RXRA: variants seen among roughly 807,000 people sequenced by gnomAD.
RXRA encodes retinoid X receptor alpha.
RXRA carries 5 observed loss-of-function variants against 44.5 expected under a neutral mutation model. The observed-to-expected ratio is 0.11, with a 90% CI of 0.06 to 0.24. The LOEUF (loss-of-function observed/expected upper bound fraction) is 0.24, where lower values mean the gene tolerates loss of function less well. Ranked by LOEUF, RXRA falls within the 10% of genes least tolerant of loss-of-function variation. The pLI is 1.00. For missense variants in RXRA, 412 were observed against 646.5 expected (o/e 0.64, Z 3.93); for synonymous variants, 291 against 271.4 (o/e 1.07, Z -0.71).
chr9:134,369,007 T>G (rs1830453426), intron 1 of RXRA, among the ~76,000 whole-genome samples: 1 of 76,098 alleles, frequency 1.3e-5, no homozygotes, highest in African/African-American at 6.8e-5. Flanking sequence ...CTTGTGTGTG[T>G]GTGTGTGGGG....
At chr9:134,409,320 C>T (rs1831109918) in intron 4 of RXRA, among the ~76,000 whole-genome samples, 3 of 152,182 alleles carry the variant, frequency 2.0e-5, no homozygotes, top group Admixed American at 1.3e-4. Context: ...GGGTCCTGGG[C>T]GGCATGTTCT....
In RXRA at chr9:134,401,932, T is replaced by C. The variant is rs766668362; in HGVS notation, c.279+50T>C. The C allele has an allele frequency of 2.8e-5, 40 of 1,428,688 alleles. No homozygotes were observed. The African/African-American group carries it at 4.8e-4, about 17-fold the overall frequency. 88.5% of individuals were successfully genotyped at this position (1,428,688 alleles called of 1,614,324 possible). ...GAGGGGGTGGGGCCTGGGGTGGGGCTGTGGCTTCAACTGCAGGACGACCGC... is the reference window on the plus strand; with the variant it reads ...GAGGGGGTGGGGCCTGGGGTGGGGCCGTGGCTTCAACTGCAGGACGACCGC... On this transcript the variant is annotated intron_variant, in intron 2 of 9. Transcript: ENST00000481739.
intron 1 of RXRA, among the ~76,000 whole-genome samples, chr9:134,395,042 C>T (rs1400703448): frequency 1.3e-5 from 2 of 152,224 alleles, no homozygotes; most frequent in Non-Finnish European, 2.9e-5. Flanking sequence ...GAGGCAGAGG[C>T]CGGACAGGAG....
At chr9:134,330,234 G>C (rs1013072837) in intron 1 of RXRA, among the ~76,000 whole-genome samples, 2 of 152,232 alleles carry the variant, frequency 1.3e-5, no homozygotes, top group Non-Finnish European at 2.9e-5. Context: ...CCTGGGACCC[G>C]GGCTTTGCAA....
At position 134,410,850 on chromosome 9, in the gene RXRA, G is replaced by A. The variant is rs34977513; in HGVS notation, c.610+1731G>A. ...TGCGAGCTTGGGGGCAGATGAGAGC[G>A]CTGTGCATGGCTGATGCCTGGCCTG... On this transcript the variant is annotated intron_variant, in intron 4 of 9. Transcript: ENST00000481739. Among the ~76,000 whole-genome samples the A allele has an allele frequency of 2.0e-3, 310 of 152,344 alleles. 2 individuals are homozygous for A. The highest frequency in any genetic ancestry group is 7.1e-3 in the African/African-American group (295 of 41,576).
At chr9:134,333,883 C>G (rs3818738) in intron 1 of RXRA, among the ~76,000 whole-genome samples, 1 of 152,012 alleles carries the variant, frequency 6.6e-6, no homozygotes, top group Non-Finnish European at 1.5e-5. Context: ...CCGGGACTCC[C>G]GCTGCCTGCT....
At chr9:134,369,618 C>T (rs990670085) in intron 1 of RXRA, among the ~76,000 whole-genome samples, 1 of 151,938 alleles carries the variant, frequency 6.6e-6, no homozygotes, top group Non-Finnish European at 1.5e-5. Context: ...ACACCCCCAC[C>T]TTTGTGTCCC....
At chr9:134,348,724 G>A (rs1012255047) in intron 1 of RXRA, among the ~76,000 whole-genome samples, 1 of 152,218 alleles carries the variant, frequency 6.6e-6, no homozygotes, top group Non-Finnish European at 1.5e-5. Context: ...CCATCCATCC[G>A]CTGTCAAAGG....
At chr9:134,362,688 A>ACT (rs1333846271) in intron 1 of RXRA, among the ~76,000 whole-genome samples, 1 of 152,110 alleles carries the variant, frequency 6.6e-6, no homozygotes, top group African/African-American at 2.4e-5. Flanking sequence ...ACAGACACAC[A>ACT]CTGCCGTCTT....
intron 1 of RXRA, among the ~76,000 whole-genome samples, chr9:134,329,375 G>A (rs2119004883): frequency 6.6e-6 from 1 of 152,368 alleles, no homozygotes; most frequent in South Asian, 2.1e-4. Flanking sequence ...CCGACGGCAG[G>A]GTGTTTGTTT....
At chr9:134,329,792 C>T (rs1172659694) in intron 1 of RXRA, among the ~76,000 whole-genome samples, 2 of 152,176 alleles carry the variant, frequency 1.3e-5, no homozygotes, top group East Asian at 1.9e-4. Flanking sequence ...CCATCTCCCC[C>T]GTGGCTGTGT....
chr9:134,409,898 GCTCTGCAGGACACCCTTC>G (rs1831120667), intron 4 of RXRA, among the ~76,000 whole-genome samples: 2 of 152,048 alleles, frequency 1.3e-5, no homozygotes, highest in South Asian at 4.1e-4. Flanking sequence ...CTGTCCCCCC[GCTCTGCAGGACACCCTTC>G]CTCTGTCCTC....
At chr9:134,422,672 C>A in intron 6 of RXRA, 1 of 984,934 alleles carries the variant, frequency 1.0e-6, no homozygotes, top group Non-Finnish European at 1.2e-6. Context: ...ACACTCCCCA[C>A]TCCCGGGACA....
intron 2 of RXRA, chr9:134,404,206 A>G (rs977781945): frequency 2.0e-5 from 3 of 152,154 alleles, no homozygotes; most frequent in South Asian, 2.1e-4. Flanking sequence ...AGGGCCAGGC[A>G]CTCTGCCAAA....
rs1316569147 is a variant in RXRA, at chr9:134,398,256, A to G, written c.29-3376A>G. Among the ~76,000 whole-genome samples the G allele has an allele frequency of 2.6e-5, 4 of 152,320 alleles. No homozygotes were observed. In the East Asian group the frequency reaches 7.7e-4, roughly 29 times the overall value. On this transcript the variant is annotated intron_variant, in intron 1 of 9. Transcript: ENST00000481739. ...CAGCCTCCCAAAGTTGTGGGATTAC[A>G]GGTGTGAGCCACCCTGCCCGGCCCC...
intron 1 of RXRA, among the ~76,000 whole-genome samples, chr9:134,389,298 G>T (rs1830766552): frequency 1.3e-5 from 2 of 152,178 alleles, no homozygotes; most frequent in Admixed American, 1.3e-4. Flanking sequence ...GGTCACCCCC[G>T]GGGGGTTGCT....
intron 1 of RXRA, among the ~76,000 whole-genome samples, chr9:134,348,503 C>T (rs1830181745): frequency 7.5e-6 from 1 of 133,794 alleles, no homozygotes; most frequent in Admixed American, 7.5e-5. Flanking sequence ...TGCTTGTCCC[C>T]TGCTGCAGAT....
chr9:134,336,908 G>T (rs1414722738), intron 1 of RXRA, among the ~76,000 whole-genome samples: 1 of 152,246 alleles, frequency 6.6e-6, no homozygotes, highest in Non-Finnish European at 1.5e-5. Context: ...AGTCCTGTGT[G>T]TCTAGCTCGG....
At chr9:134,422,745 C>T (rs1451395571) in intron 6 of RXRA, 3 of 985,346 alleles carry the variant, frequency 3.0e-6, no homozygotes, top group Non-Finnish European at 3.6e-6. Flanking sequence ...CCTGGGGCCT[C>T]AGTTTCCCTC....
Sources: allele counts gnomAD v4.1 joint callset (sites outside exome capture counted in the v4.1 genomes callset), GRCh38; gene constraint gnomAD v4.1.1; transcripts MANE v1.5; gene names NCBI Gene and HGNC (gene_info 2026-07-23, HGNC 2026-07-21).